GALNT3: variants seen among roughly 807,000 people sequenced by gnomAD.
GALNT3 encodes the protein polypeptide N-acetylgalactosaminyltransferase 3.
A neutral mutation model predicts 69.8 loss-of-function variants in GALNT3; 51 were observed. That is an observed-to-expected ratio of 0.73 (90% CI 0.58 to 0.92). The LOEUF (loss-of-function observed/expected upper bound fraction) is 0.92, where lower values mean the gene tolerates loss of function less well. Among genes scored for constraint, GALNT3 ranks in the 40% least tolerant of loss-of-function variants. The probability of loss-of-function intolerance (pLI) is 0.00; values close to 1 mark genes in which losing one functional copy is unlikely to be tolerated. For synonymous variants in GALNT3, 265 were observed against 248.5 expected, an observed-to-expected ratio of 1.07 and a Z score of -0.63; for missense variants, 711 against 760.0, an observed-to-expected ratio of 0.94 and a Z score of 0.76.
intron 2 of GALNT3, 32 bp from the exon 3 acceptor site, chr2:165,765,088 T>G: frequency 1.3e-6 from 2 of 1,565,320 alleles, no homozygotes; most frequent in Non-Finnish European, 1.8e-6. Flanking sequence ...GAAAAACAAT[T>G]ACAAATTTTA....
chr2:165,788,631 A>T (rs1196982327), intron 1 of GALNT3, among the ~76,000 whole-genome samples: 2 of 151,986 alleles, frequency 1.3e-5, no homozygotes, highest in Non-Finnish European at 2.9e-5. Context: ...CAGTTTCCCA[A>T]ATGAAGCAAG....
At position 165,770,227 on chromosome 2, in the gene GALNT3, A is replaced by C; in HGVS notation, c.474T>G (p.Ile158Met). 1 of 1,614,074 alleles carries C rather than the reference A, an allele frequency of 6.2e-7. No homozygotes were observed. The highest frequency in any genetic ancestry group is 8.5e-7 in the Non-Finnish European group (1 of 1,179,986). ...CTGGTCCAAGATCTCGGTGCAAAGA[A>C]ATCCTGTCACTTGCGAAAGCATTAA... ...HCFNAFASDR[I>M]SLHRDLGPDT... Residue 158 changes from isoleucine (I) to methionine (M), a missense_variant, in exon 2 of 11, where the codon ATT becomes ATG. Ile to Met is a conservative substitution (Grantham distance 10). Transcript: ENST00000392701.
At position 165,764,891 on chromosome 2, in the gene GALNT3, A is replaced by C. The variant is rs1558999126; in HGVS notation, c.681T>G (p.Ser227Arg). 6.2e-7 allele frequency: 1 copy of C among 1,614,226 alleles called. No homozygotes were observed. The highest frequency in any genetic ancestry group is 8.5e-7 in the Non-Finnish European group (1 of 1,180,024). Residue 227 changes from serine (S) to arginine (R), a missense_variant, in exon 3 of 11, where the codon AGT (serine) becomes AGG (arginine). Coordinates refer to ENST00000392701, the MANE Select transcript of GALNT3 (RefSeq NM_004482.4). ...TTGCATGTGCTTTCTTACCATCTAC[A>C]CTAGCATCATCCACCAAAATGATTT... ...LKEIILVDDA[S>R]VDEYLHDKLD...
At position 165,764,811 on chromosome 2, in the gene GALNT3, C is replaced by T. The variant is rs539825817; in HGVS notation, c.688+73G>A. The T allele has an allele frequency of 3.7e-5, 55 of 1,471,462 alleles. No homozygotes were observed. The African/African-American group carries it at 6.7e-4, about 18-fold the overall frequency. 91.2% of individuals were successfully genotyped at this position (1,471,462 alleles called of 1,614,324 possible). A position where few individuals can be genotyped will look rare whatever the true frequency, so the allele number is the denominator to read the frequency against. On this transcript the variant is annotated intron_variant, in intron 3 of 10. Transcript: ENST00000392701. ...CTCTGAGATGGCATACAGAGAGTAC[C>T]ACATAACCAAGTAGACTGTAGATAC...
In GALNT3 at chr2:165,770,585, C is replaced by T; in HGVS notation, c.116G>A (p.Arg39Lys). 6.2e-7 allele frequency: 1 copy of T among 1,610,264 alleles called. No homozygotes were observed. The highest frequency in any genetic ancestry group is 1.1e-5 in the South Asian group (1 of 90,148). The change falls in exon 2 of 11, where the codon AGA becomes AAA. Residue 39 changes from arginine (R) to lysine (K), a missense_variant. Arg to Lys is a conservative substitution (Grantham distance 26, BLOSUM62 2). Coordinates refer to ENST00000392701, the MANE Select transcript of GALNT3 (RefSeq NM_004482.4). ...TTTGGAATATTGAACACTTACTTCT[C>T]TTTGCATTAAAACCAAAACTATTAT... ...FFIIVLVLMQ[R>K]EVSVQYSKEE...
rs1688616509 is a variant in GALNT3 at position 165,765,145 on chromosome 2, ATCTT to A, written c.516-93_516-90del. The A allele has an allele frequency of 3.7e-6, 4 of 1,087,572 alleles. No individual in the cohort carries two copies. In the South Asian group the frequency reaches 5.3e-5, roughly 14 times the overall value. The allele number at this position is 1,087,572 out of a possible 1,614,324, so 67.4% of individuals were successfully genotyped here. ...CCATTGCTAACATTATCATTATTGA[ATCTT>A]TATCACTGAAAAAGGATAGTTTTCT... On this transcript the variant is annotated intron_variant, in intron 2 of 10. Transcript: ENST00000392701.
chr2:165,783,044 G>C (rs979519788), intron 1 of GALNT3, among the ~76,000 whole-genome samples: 2 of 152,142 alleles, frequency 1.3e-5, no homozygotes, highest in Admixed American at 6.5e-5. Flanking sequence ...CTATGGCCCA[G>C]CTTTTCATTG....
chr2:165,754,630 G>C lies in GALNT3; in HGVS notation c.1623C>G (p.Asn541Lys), dbSNP rs764015322. 2.6e-5 allele frequency: 42 copies of C among 1,608,202 alleles called. No homozygotes were observed. The East Asian group carries it at 9.4e-4, about 36-fold the overall frequency. Residue 541 changes from asparagine to lysine, a missense_variant, in exon 9 of 11, where the codon AAC becomes AAG. Transcript: ENST00000392701. ...IMYTCHGLGG[N>K]QYFEYSAQHE... ...GGATTTTTAATGCAGTGCTCACCTG[G>C]TTTCCCCCAAGTCCATGACATGTAT...
At chr2:165,759,606 AC>A (rs1323376902) in intron 4 of GALNT3, 36 bp from the exon 5 acceptor site, 2 of 1,503,634 alleles carry the variant, frequency 1.3e-6, no homozygotes, top group African/African-American at 1.4e-5. Flanking sequence ...TTCAATAAAA[AC>A]ATTGAAGTTT....
intron 4 of GALNT3, chr2:165,761,605 A>G (rs1157895251): frequency 1.7e-6 from 1 of 603,898 alleles, no homozygotes; most frequent in Admixed American, 3.2e-5. Flanking sequence ...TTTTTAACAG[A>G]AAAGAAACAT....
chr2:165,781,667 T>C (rs1389628061), intron 1 of GALNT3, among the ~76,000 whole-genome samples: 3 of 152,162 alleles, frequency 2.0e-5, no homozygotes, highest in Non-Finnish European at 2.9e-5. Flanking sequence ...TGCTGAATTT[T>C]TGTGGGGCTG....
rs376449936 is a variant in GALNT3, at chr2:165,749,822, C to G, written c.1699G>C (p.Gly567Arg). Reference sequence around the variant, plus strand: ...GTACATGCCTTCAGCTGAACGAGACCTTGAGCAGCATGAAGACATAATTCC... The same window carrying G: ...GTACATGCCTTCAGCTGAACGAGACGTTGAGCAGCATGAAGACATAATTCC... ...QKELCLHAAQGLVQLKACTYK... is the reference protein window; with the variant it reads ...QKELCLHAAQRLVQLKACTYK... The change falls in exon 10 of 11, where the codon GGT (glycine) becomes CGT (arginine). Residue 567 changes from glycine to arginine, a missense_variant. Physicochemically the swap from Gly to Arg is moderately radical, Grantham distance 125. Coordinates refer to ENST00000392701, the MANE Select transcript of GALNT3 (RefSeq NM_004482.4). The G allele has an allele frequency of 5.6e-6, 9 of 1,613,506 alleles. No individual in the cohort carries two copies. Among genetic ancestry groups the G allele is most frequent in the Non-Finnish European group, 6.8e-6 (8 of 1,179,622 alleles).
intron 1 of GALNT3, among the ~76,000 whole-genome samples, chr2:165,786,321 G>A (rs1368173707): frequency 6.6e-6 from 1 of 152,176 alleles, no homozygotes; most frequent in Non-Finnish European, 1.5e-5. Context: ...GAGTTGACTG[G>A]ATTTTTATTG....
At chr2:165,772,756 A>G (rs1688776185) in intron 1 of GALNT3, among the ~76,000 whole-genome samples, 1 of 152,174 alleles carries the variant, frequency 6.6e-6, no homozygotes, top group Non-Finnish European at 1.5e-5. Flanking sequence ...CCATAAAAGC[A>G]AGAAAAGGCA....
chr2:165,784,324 G>C (rs776044387), intron 1 of GALNT3, among the ~76,000 whole-genome samples: 2 of 152,202 alleles, frequency 1.3e-5, no homozygotes, highest in African/African-American at 2.4e-5. Flanking sequence ...TGTCGTTGAA[G>C]TTGTGCTGAA....
At chr2:165,768,885 C>T (rs1688696624) in intron 2 of GALNT3, among the ~76,000 whole-genome samples, 1 of 151,182 alleles carries the variant, frequency 6.6e-6, no homozygotes, top group South Asian at 2.1e-4. Context: ...AACCTCTGCC[C>T]CCAGGTTCAA....
intron 1 of GALNT3, among the ~76,000 whole-genome samples, chr2:165,777,445 T>G (rs1682983540): frequency 1.3e-5 from 2 of 152,142 alleles, no homozygotes; most frequent in Admixed American, 1.3e-4. Flanking sequence ...AAAACAAAAT[T>G]TAAAGACCTT....
At chr2:165,781,257 C>G (rs150909443) in intron 1 of GALNT3, among the ~76,000 whole-genome samples, 105 of 152,190 alleles carry the variant, frequency 6.9e-4, no homozygotes, top group Non-Finnish European at 1.2e-3. Context: ...ACTCTGTAAA[C>G]AGGTTGAGGT....
intron 1 of GALNT3, among the ~76,000 whole-genome samples, chr2:165,774,909 C>CTTTTTTTTTTTTTTT (rs71031204): frequency 9.6e-6 from 1 of 104,328 alleles, no homozygotes; most frequent in African/African-American, 3.8e-5. Context: ...CTTCTTCTCT[C>CTTTTTTTTTTTTTTT]TTTTTTTTTT....
Sources: gnomAD v4.1 joint callset for allele counts (sites outside exome capture counted in the v4.1 genomes callset) on GRCh38, gnomAD v4.1.1 for gene constraint, MANE v1.5 for transcripts, NCBI Gene and HGNC (gene_info 2026-07-23, HGNC 2026-07-21) for gene names.